Variants in IQCE observed in about 807,000 individuals in gnomAD.
IQCE encodes IQ motif containing E.
A neutral mutation model predicts 96.0 loss-of-function variants in IQCE; 115 were observed. The observed-to-expected ratio is 1.20, with a 90% CI of 1.03 to 1.40. The LOEUF is 1.40. Ranked by LOEUF, IQCE falls within the 40% of genes most tolerant of loss-of-function variation. IQCE has a pLI of 0.00. For synonymous variants in IQCE, 412 were observed against 371.2 expected (o/e 1.11, Z -1.26); for missense variants, 1,041 against 909.1 (o/e 1.15, Z -1.87).
Position 2,602,688 on chromosome 7 carries a change from C to T in IQCE, c.1632+1224C>T, listed in dbSNP as rs146576732. ...CCACCCATGTCCCCTTCCCCTTGGC[C>T]ACATTACTCATCCACAAGTGTTTGC... On this transcript the variant is annotated intron_variant, in intron 18 of 21. Transcript: ENST00000402050. Among the ~76,000 whole-genome samples, 764 of 152,356 alleles carry T rather than the reference C, an allele frequency of 5.0e-3. 6 individuals carry two copies. The highest frequency in any genetic ancestry group is 8.4e-3 in the Non-Finnish European group (571 of 68,036).
chr7:2,610,325 C>A lies in IQCE; in HGVS notation c.*163C>A. The A allele has an allele frequency of 1.7e-6, 1 of 596,186 alleles. No homozygotes were observed. Among genetic ancestry groups the A allele is most frequent in the Non-Finnish European group, 3.0e-6 (1 of 329,514 alleles). 36.9% of individuals were successfully genotyped at this position (596,186 alleles called of 1,614,324 possible). A position where few individuals can be genotyped will look rare whatever the true frequency, so the allele number is the denominator to read the frequency against. On this transcript the variant is annotated 3_prime_UTR_variant, in exon 22 of 22. Transcript: ENST00000402050. ...GTGCTTTTGTTTGTGGAAGGAGACC[C>A]AAATGCCTTTACTTTATTCTCTGGG...
intron 17 of IQCE, among the ~76,000 whole-genome samples, chr7:2,600,211 C>T (rs1443743527): frequency 6.6e-6 from 1 of 152,254 alleles, no homozygotes; most frequent in East Asian, 1.9e-4. Flanking sequence ...CCTCTGTCCC[C>T]TTAATTTCCC....
intron 18 of IQCE, 75 bp from the exon 19 acceptor site, chr7:2,604,806 C>T (rs1008127284): frequency 2.8e-5 from 28 of 1,002,776 alleles, no homozygotes; most frequent in Admixed American, 1.1e-4. Flanking sequence ...GCTCTCTCCT[C>T]GGCGCCTCCC....
intron 14 of IQCE, among the ~76,000 whole-genome samples, chr7:2,591,666 G>A (rs1370649524): frequency 2.7e-5 from 4 of 150,622 alleles, no homozygotes; most frequent in Admixed American, 6.6e-5. Context: ...TGTTGCCCAG[G>A]CTGGAGTTTA....
intron 11 of IQCE, 104 bp from the exon 12 acceptor site, chr7:2,586,104 C>A: frequency 9.1e-7 from 1 of 1,102,172 alleles, no homozygotes; most frequent in Non-Finnish European, 1.3e-6. Context: ...CCACTCTGAG[C>A]TCACAACCAA....
At chr7:2,603,602 A>G (rs926972938) in intron 18 of IQCE, among the ~76,000 whole-genome samples, 2 of 152,082 alleles carry the variant, frequency 1.3e-5, no homozygotes, top group Non-Finnish European at 2.9e-5. Flanking sequence ...CGTGACGGAG[A>G]TGCGTGCCCC....
chr7:2,580,626 T>C (rs1179252483), intron 8 of IQCE, among the ~76,000 whole-genome samples: 3 of 149,180 alleles, frequency 2.0e-5, no homozygotes, highest in Non-Finnish European at 4.4e-5. Flanking sequence ...AAAAAAAAAG[T>C]GTCTATCAAT....
intron 6 of IQCE, among the ~76,000 whole-genome samples, chr7:2,577,543 G>A (rs1376265833): frequency 7.0e-6 from 1 of 143,394 alleles, no homozygotes; most frequent in Non-Finnish European, 1.5e-5. Context: ...CCGCATTGGC[G>A]TGTGCGTGGC....
At chr7:2,607,005 C>G in intron 20 of IQCE, 119 bp from the exon 21 acceptor site, 1 of 915,344 alleles carries the variant, frequency 1.1e-6, no homozygotes, top group Non-Finnish European at 1.6e-6. Context: ...GGGACTGGCT[C>G]TGTGTTTGCT....
intron 1 of IQCE, among the ~76,000 whole-genome samples, chr7:2,565,051 G>A (rs527530129): frequency 1.3e-5 from 2 of 152,158 alleles, no homozygotes; most frequent in South Asian, 4.1e-4. Flanking sequence ...TGAAGGAGGC[G>A]GAACAGATTG....
chr7:2,576,870 C>A (rs1322754206), intron 6 of IQCE, among the ~76,000 whole-genome samples: 9 of 152,216 alleles, frequency 5.9e-5, no homozygotes, highest in African/African-American at 2.2e-4. Flanking sequence ...GCGAACAAAA[C>A]GGACTTTCTT....
At chr7:2,568,097 G>A (rs191719196) in intron 2 of IQCE, among the ~76,000 whole-genome samples, 11 of 152,258 alleles carry the variant, frequency 7.2e-5, no homozygotes, top group South Asian at 2.1e-4. Context: ...CCCAGGCCAC[G>A]GCACGACGGG....
chr7:2,600,794 A>G (rs1164903565), intron 17 of IQCE, among the ~76,000 whole-genome samples: 1 of 152,190 alleles, frequency 6.6e-6, no homozygotes, highest in Non-Finnish European at 1.5e-5. Flanking sequence ...ATTCCGTGCC[A>G]TTAAGTGCAC....
intron 1 of IQCE, among the ~76,000 whole-genome samples, chr7:2,561,654 C>T (rs1398149512): frequency 6.6e-6 from 1 of 152,104 alleles, no homozygotes; most frequent in Non-Finnish European, 1.5e-5. Context: ...ATCTCCTGAC[C>T]TCGTGATGCA....
intron 6 of IQCE, among the ~76,000 whole-genome samples, chr7:2,573,970 T>A (rs1235427226): frequency 6.6e-6 from 1 of 152,200 alleles, no homozygotes. Flanking sequence ...GCGACGTTAG[T>A]GGTCTGTCCA....
Position 2,572,232 on chromosome 7 carries a change from G to GC in IQCE, c.301dup (p.His101ProfsTer12), listed in dbSNP as rs776381309. On this transcript the variant is annotated frameshift_variant, in exon 5 of 22. Coordinates refer to ENST00000402050, the MANE Select transcript of IQCE (RefSeq NM_152558.5). LOFTEE classifies it high-confidence loss of function. ...CCCTGAACTCACCCCTCACCTGGGA[G>GC]CATGCGTGGACTGGCGTCCCCGGCG... The GC allele has an allele frequency of 4.3e-6, 7 of 1,614,018 alleles. No homozygotes were observed. In the Admixed American group the frequency reaches 1.0e-4, roughly 23 times the overall value.
chr7:2,573,124 C>T (rs1361718529), intron 5 of IQCE, among the ~76,000 whole-genome samples: 2 of 152,104 alleles, frequency 1.3e-5, no homozygotes, highest in Non-Finnish European at 2.9e-5. Flanking sequence ...GAACATGTCC[C>T]TCCTCCTTCC....
At chr7:2,601,807 C>G (rs1404161632) in intron 18 of IQCE, 1 of 264,752 alleles carries the variant, frequency 3.8e-6, no homozygotes, top group African/African-American at 2.3e-5. Flanking sequence ...ATCTTGGCCT[C>G]CCAAAGTGCA....
intron 11 of IQCE, among the ~76,000 whole-genome samples, chr7:2,584,817 C>G (rs1271737285): frequency 2.6e-5 from 4 of 152,194 alleles, no homozygotes; most frequent in Non-Finnish European, 5.9e-5. Flanking sequence ...TTTCCTTTTT[C>G]TTTACCCCTA....
Sources: allele counts gnomAD v4.1 joint callset (sites outside exome capture counted in the v4.1 genomes callset), GRCh38; gene constraint gnomAD v4.1.1; transcripts MANE v1.5; gene names NCBI Gene and HGNC (gene_info 2026-07-23, HGNC 2026-07-21).